The following HTR1F variants were observed in gnomAD, a reference collection of about 807,000 sequenced individuals.
The protein encoded by HTR1F is 5-hydroxytryptamine (serotonin) receptor 1F, G protein-coupled.
Under a neutral mutation model 24.0 loss-of-function variants are expected in HTR1F, and 17 were observed. The observed-to-expected ratio is 0.71, with a 90% CI of 0.48 to 1.06. The LOEUF (loss-of-function observed/expected upper bound fraction) is 1.06, where lower values mean the gene tolerates loss of function less well. HTR1F is among the 50% of genes least tolerant of loss of function. HTR1F has a pLI of 0.00. For synonymous variants in HTR1F, 186 were observed against 156.8 expected (o/e 1.19, Z -1.39); for missense variants, 391 against 427.8 (o/e 0.91, Z 0.76).
intron 2 of HTR1F, among the ~76,000 whole-genome samples, chr3:87,834,272 G>C (rs1704639369): frequency 6.6e-6 from 1 of 152,058 alleles, no homozygotes; most frequent in Admixed American, 6.5e-5. Flanking sequence ...CATAAGGTAT[G>C]CATAATACAT....
rs1706346470 is a variant in HTR1F, at chr3:87,902,453, GA to G, written c.-43+80331del. On this transcript the variant is annotated intron_variant, in intron 2 of 2. Transcript: ENST00000319595. ...CGTAATCCTAAATGTGAGAAGATAGGAATAAAGCATCTAGAAGGTAACGTAC... is the reference window on the plus strand; with the variant it reads ...CGTAATCCTAAATGTGAGAAGATAGGATAAAGCATCTAGAAGGTAACGTAC... 2.0e-5 allele frequency among the ~76,000 whole-genome samples: 3 copies of G among 152,108 alleles called. 1 individual carries two copies. The highest frequency in any genetic ancestry group is 7.2e-5 in the African/African-American group (3 of 41,518).
chr3:87,946,241 C>G (rs999708205), intron 2 of HTR1F, among the ~76,000 whole-genome samples: 1 of 152,140 alleles, frequency 6.6e-6, no homozygotes, highest in African/African-American at 2.4e-5. Context: ...GCGACGGCGG[C>G]AAACGGCAGT....
At chr3:87,809,964 T>A (rs1331238502) in intron 1 of HTR1F, among the ~76,000 whole-genome samples, 2 of 152,104 alleles carry the variant, frequency 1.3e-5, no homozygotes, top group Non-Finnish European at 2.9e-5. Flanking sequence ...TCTGGTTATT[T>A]TTTTTCCTTT....
intron 2 of HTR1F, among the ~76,000 whole-genome samples, chr3:87,881,854 C>T (rs1045399039): frequency 6.6e-6 from 1 of 152,144 alleles, no homozygotes; most frequent in Non-Finnish European, 1.5e-5. Flanking sequence ...CCACAATTGA[C>T]AAATGGGATC....
chr3:87,818,694 A>G (rs1704296251), intron 1 of HTR1F, among the ~76,000 whole-genome samples: 1 of 152,168 alleles, frequency 6.6e-6, no homozygotes, highest in African/African-American at 2.4e-5. Context: ...CCACAGGTAT[A>G]TCTTATCAAG....
At chr3:87,800,204 T>C (rs369995205) in intron 1 of HTR1F, among the ~76,000 whole-genome samples, 5 of 152,160 alleles carry the variant, frequency 3.3e-5, no homozygotes, top group African/African-American at 1.2e-4. Flanking sequence ...TGGCTCCTCA[T>C]GTCATTCTGG....
chr3:87,966,601 T>C (rs535102069), intron 2 of HTR1F, among the ~76,000 whole-genome samples: 95 of 152,336 alleles, frequency 6.2e-4, no homozygotes, highest in Non-Finnish European at 1.1e-3. Context: ...AGTTAAATTT[T>C]AAGTTGATGA....
At chr3:87,796,501 G>A (rs1396027252) in intron 1 of HTR1F, among the ~76,000 whole-genome samples, 1 of 152,100 alleles carries the variant, frequency 6.6e-6, no homozygotes, top group Non-Finnish European at 1.5e-5. Flanking sequence ...AATTTCAGGG[G>A]AGAATGTATT....
In HTR1F at chr3:87,991,918, T is replaced by C; in HGVS notation, c.*68T>C. 7.6e-7 allele frequency: 1 copy of C among 1,322,100 alleles called. No homozygotes were observed. Among genetic ancestry groups the C allele is most frequent in the South Asian group, 1.6e-5 (1 of 64,476 alleles). The allele number at this position is 1,322,100 out of a possible 1,614,324, so 81.9% of individuals were successfully genotyped here. The stretch of plus-strand genomic sequence containing the variant: ...GAGGAATAACTAGATGAATGCCAAA[T>C]AATAAAACACTTAAGCTTTTAGAGG... On this transcript the variant is annotated 3_prime_UTR_variant, in exon 3 of 3. Coordinates refer to ENST00000319595, the MANE Select transcript of HTR1F (RefSeq NM_001322209.2).
At chr3:87,937,875 G>C (rs1576059925) in intron 2 of HTR1F, among the ~76,000 whole-genome samples, 1 of 150,270 alleles carries the variant, frequency 6.7e-6, no homozygotes, top group South Asian at 2.1e-4. Context: ...AGTGAGCCGA[G>C]ATCGTGCCAC....
intron 2 of HTR1F, among the ~76,000 whole-genome samples, chr3:87,934,139 C>T (rs1464199855): frequency 1.3e-5 from 2 of 152,156 alleles, no homozygotes; most frequent in African/African-American, 4.8e-5. Flanking sequence ...TTGACCTACT[C>T]GAACCCCTGT....
chr3:87,845,751 C>T (rs955986400), intron 2 of HTR1F, among the ~76,000 whole-genome samples: 4 of 151,934 alleles, frequency 2.6e-5, no homozygotes, highest in Non-Finnish European at 2.9e-5. Flanking sequence ...TGTCTTACCA[C>T]ACCAAAGTAA....
intron 2 of HTR1F, among the ~76,000 whole-genome samples, chr3:87,824,991 A>G (rs1329826253): frequency 6.6e-6 from 1 of 152,208 alleles, no homozygotes; most frequent in Non-Finnish European, 1.5e-5. Context: ...CATAGCTAAA[A>G]ATGATATTCA....
At chr3:87,825,586 T>C (rs746970653) in intron 2 of HTR1F, among the ~76,000 whole-genome samples, 1 of 152,190 alleles carries the variant, frequency 6.6e-6, no homozygotes, top group Non-Finnish European at 1.5e-5. Context: ...ATCTTCTCAA[T>C]TCATCATACA....
At chr3:87,942,235 T>A (rs556697480) in intron 2 of HTR1F, among the ~76,000 whole-genome samples, 5 of 152,132 alleles carry the variant, frequency 3.3e-5, no homozygotes, top group Non-Finnish European at 7.4e-5. Flanking sequence ...GAAAAGCATT[T>A]GAAAAGAGTA....
chr3:87,983,140 T>C (rs1206499122), intron 2 of HTR1F, among the ~76,000 whole-genome samples: 1 of 152,062 alleles, frequency 6.6e-6, no homozygotes, highest in Non-Finnish European at 1.5e-5. Context: ...CACCCCTAAG[T>C]TGGACATGGA....
intron 2 of HTR1F, among the ~76,000 whole-genome samples, chr3:87,875,177 G>A (rs1450077277): frequency 6.6e-6 from 1 of 152,186 alleles, no homozygotes; most frequent in Non-Finnish European, 1.5e-5. Flanking sequence ...TAGGCCAGGT[G>A]TGATGGCTCA....
At chr3:87,855,017 G>GTC (rs1294325382) in intron 2 of HTR1F, among the ~76,000 whole-genome samples, 1 of 151,912 alleles carries the variant, frequency 6.6e-6, no homozygotes, top group African/African-American at 2.4e-5. Flanking sequence ...TGTGTTCTCT[G>GTC]TCTCTCTCTC....
At chr3:87,809,314 A>G (rs1403787459) in intron 1 of HTR1F, among the ~76,000 whole-genome samples, 1 of 152,054 alleles carries the variant, frequency 6.6e-6, no homozygotes, top group East Asian at 1.9e-4. Context: ...ATCACTCTTA[A>G]TCGTGCAAAC....
Sources: allele counts gnomAD v4.1 joint callset (sites outside exome capture counted in the v4.1 genomes callset), GRCh38; gene constraint gnomAD v4.1.1; transcripts MANE v1.5; gene names NCBI Gene and HGNC (gene_info 2026-07-23, HGNC 2026-07-21).